Variants in KCNH7 observed in about 807,000 individuals in gnomAD.
KCNH7 encodes voltage-gated inwardly rectifying potassium channel KCNH7.
A neutral mutation model predicts 120.8 loss-of-function variants in KCNH7; 49 were observed. The observed-to-expected ratio is 0.41, with a 90% CI of 0.32 to 0.51. The LOEUF is 0.51. Among genes scored for constraint, KCNH7 ranks in the 20% least tolerant of loss-of-function variants. KCNH7 has a pLI of 0.38. For missense variants in KCNH7, 1,097 were observed against 1,446.6 expected, an observed-to-expected ratio of 0.76 and a Z score of 3.92; for synonymous variants, 547 against 516.1, an observed-to-expected ratio of 1.06 and a Z score of -0.81.
chr2:162,441,999 CTTT>C (rs779418084), intron 7 of KCNH7, among the ~76,000 whole-genome samples: 203 of 41,396 alleles, frequency 4.9e-3, no homozygotes, highest in Admixed American at 8.6e-3. Context: ...GTTAGGTCTT[CTTT>C]TTTTTTTTTT....
At chr2:162,385,530 T>C (rs1686547303) in intron 12 of KCNH7, among the ~76,000 whole-genome samples, 1 of 151,966 alleles carries the variant, frequency 6.6e-6, no homozygotes, top group African/African-American at 2.4e-5. Context: ...TTAAGGTAGG[T>C]TTTACCTAAT....
intron 2 of KCNH7, among the ~76,000 whole-genome samples, chr2:162,649,920 C>T (rs1372119604): frequency 6.6e-6 from 1 of 152,066 alleles, no homozygotes. Flanking sequence ...TCATATAAGA[C>T]AGTTAATATA....
chr2:162,580,933 T>A (rs930630039), intron 2 of KCNH7, among the ~76,000 whole-genome samples: 1 of 151,952 alleles, frequency 6.6e-6, no homozygotes, highest in Non-Finnish European at 1.5e-5. Context: ...AGGAGTGAAA[T>A]GAACAAAACA....
chr2:162,466,363 T>G (rs1342303703), intron 6 of KCNH7, among the ~76,000 whole-genome samples: 1 of 152,104 alleles, frequency 6.6e-6, no homozygotes, highest in Non-Finnish European at 1.5e-5. Context: ...CTCAGAAAAC[T>G]TACAATCAAG....
At chr2:162,698,184 G>C (rs558020047) in intron 2 of KCNH7, among the ~76,000 whole-genome samples, 19 of 152,168 alleles carry the variant, frequency 1.2e-4, no homozygotes, top group African/African-American at 4.6e-4. Context: ...ATTTTTGCAA[G>C]AAGATAAGAT....
chr2:162,799,036 T>C (rs1413375682), intron 2 of KCNH7, among the ~76,000 whole-genome samples: 1 of 152,080 alleles, frequency 6.6e-6, no homozygotes, highest in African/African-American at 2.4e-5. Flanking sequence ...TTAATTCTAG[T>C]ATATTCTTGG....
chr2:162,709,347 T>C (rs910917103), intron 2 of KCNH7, among the ~76,000 whole-genome samples: 6 of 152,038 alleles, frequency 3.9e-5, no homozygotes, highest in African/African-American at 1.4e-4. Flanking sequence ...AATCTCTAGA[T>C]CCAGAAGCTC....
intron 4 of KCNH7, among the ~76,000 whole-genome samples, chr2:162,515,427 C>G (rs1039467376): frequency 2.6e-5 from 4 of 151,800 alleles, no homozygotes; most frequent in African/African-American, 9.7e-5. Context: ...TGTCCAAACA[C>G]AGGCTAAGTC....
intron 6 of KCNH7, among the ~76,000 whole-genome samples, chr2:162,468,764 G>T (rs1689392892): frequency 6.6e-6 from 1 of 151,642 alleles, no homozygotes. Context: ...TCCCAGGATG[G>T]TCTCGATCTA....
chr2:162,408,482 A>G (rs1246708747), intron 9 of KCNH7, among the ~76,000 whole-genome samples: 4 of 152,060 alleles, frequency 2.6e-5, no homozygotes, highest in Admixed American at 2.0e-4. Context: ...ATACCAATGT[A>G]TCTACATACA....
At chr2:162,467,366 G>A (rs142402997) in intron 6 of KCNH7, among the ~76,000 whole-genome samples, 1 of 152,324 alleles carries the variant, frequency 6.6e-6, no homozygotes, top group African/African-American at 2.4e-5. Flanking sequence ...AGGTGTTTGG[G>A]TCATGGAGTA....
At chr2:162,707,782 C>T (rs377571737) in intron 2 of KCNH7, among the ~76,000 whole-genome samples, 69 of 152,214 alleles carry the variant, frequency 4.5e-4, no homozygotes, top group African/African-American at 1.5e-3. Context: ...CCTACTACTA[C>T]GTTTACCCCA....
chr2:162,666,197 C>A (rs942587014), intron 2 of KCNH7, among the ~76,000 whole-genome samples: 6 of 152,046 alleles, frequency 3.9e-5, no homozygotes, highest in Admixed American at 6.6e-5. Context: ...GGTTTGCAAT[C>A]ACTTCTATAT....
At chr2:162,696,765 G>A (rs1037524327) in intron 2 of KCNH7, among the ~76,000 whole-genome samples, 5 of 152,104 alleles carry the variant, frequency 3.3e-5, no homozygotes, top group African/African-American at 9.7e-5. Context: ...GTATGAAAAA[G>A]CACTCAGGAA....
At chr2:162,556,814 T>C (rs1002404387) in intron 2 of KCNH7, among the ~76,000 whole-genome samples, 5 of 152,246 alleles carry the variant, frequency 3.3e-5, no homozygotes, top group Admixed American at 6.5e-5. Flanking sequence ...GTCTACATTT[T>C]AAAACTACTT....
chr2:162,469,066 G>A (rs1240975683), intron 6 of KCNH7, among the ~76,000 whole-genome samples: 1 of 152,152 alleles, frequency 6.6e-6, no homozygotes, highest in Non-Finnish European at 1.5e-5. Context: ...ATGTTGCACA[G>A]GCTGGTCTCA....
At chr2:162,554,032 T>A (rs554704070) in intron 2 of KCNH7, among the ~76,000 whole-genome samples, 4 of 152,336 alleles carry the variant, frequency 2.6e-5, no homozygotes, top group African/African-American at 9.6e-5. Flanking sequence ...CATGCCTGGA[T>A]CAATTTAGTT....
In KCNH7 at chr2:162,793,959, A is replaced by T. The variant is rs540749985; in HGVS notation, c.307+42578T>A. On this transcript the variant is annotated intron_variant, in intron 2 of 15. Transcript: ENST00000332142. Reference sequence around the variant, plus strand: ...AATGTTCTCACCACAAAAAAAGGTAACTATGTGAGGTAGTAGGTATGTTAA... The same window carrying T: ...AATGTTCTCACCACAAAAAAAGGTATCTATGTGAGGTAGTAGGTATGTTAA... Among the ~76,000 whole-genome samples, 4 of 152,142 alleles carry T rather than the reference A, an allele frequency of 2.6e-5. No individual in the cohort carries two copies. In the South Asian group the frequency reaches 8.3e-4, roughly 32 times the overall value.
chr2:162,815,379 G>A (rs1015668847), intron 2 of KCNH7, among the ~76,000 whole-genome samples: 2 of 151,980 alleles, frequency 1.3e-5, no homozygotes, highest in African/African-American at 4.8e-5. Context: ...AAGCTATAAT[G>A]GCTTATCACA....
Sources: gnomAD v4.1 joint callset for allele counts (sites outside exome capture counted in the v4.1 genomes callset) on GRCh38, gnomAD v4.1.1 for gene constraint, MANE v1.5 for transcripts, NCBI Gene and HGNC (gene_info 2026-07-23, HGNC 2026-07-21) for gene names.